The following TMEM164 variants were observed in gnomAD, a reference collection of about 807,000 sequenced individuals.
TMEM164 encodes the protein RP13-360B22.2.
Under a neutral mutation model 18.8 loss-of-function variants are expected in TMEM164, and 4 were observed. The observed-to-expected ratio is 0.21, with a 90% CI of 0.10 to 0.49. The LOEUF (loss-of-function observed/expected upper bound fraction) is 0.49. Ranked by LOEUF, TMEM164 falls within the 20% of genes least tolerant of loss-of-function variation. The pLI, the probability that TMEM164 is intolerant of heterozygous loss-of-function variation, is 0.98. For synonymous variants in TMEM164, 86 were observed against 101.7 expected, an observed-to-expected ratio of 0.85 and a Z score of 0.93; for missense variants, 108 against 239.9, an observed-to-expected ratio of 0.45 and a Z score of 3.63.
chrX:110,017,508 CTCCCTCCTTCCTTCCTTCCTTCCTTCCT>C (rs1933515146), intron 2 of TMEM164, among the ~76,000 whole-genome samples: 5 of 7,368 alleles, frequency 6.8e-4, no homozygotes, highest in Middle Eastern at 0.083. Flanking sequence ...CCCTCCCTCC[CTCCCTCCTTCCTTCCTTCCTTCCTTCCT>C]TCCTTCCTTC....
intron 4 of TMEM164, among the ~76,000 whole-genome samples, chrX:110,110,185 G>C (rs887810718): frequency 9.0e-6 from 1 of 110,875 alleles, no homozygotes; most frequent in Non-Finnish European, 1.9e-5. Flanking sequence ...GCTATGCTTT[G>C]CTCCCTCTCC....
chrX:110,071,864 G>C (rs1470526349), intron 3 of TMEM164, among the ~76,000 whole-genome samples: 1 of 110,381 alleles, frequency 9.1e-6, no homozygotes, highest in Non-Finnish European at 1.9e-5. Flanking sequence ...TTGTGCTGCT[G>C]AACTCCAGCT....
At position 110,175,944 on chromosome X, in the gene TMEM164, C is replaced by T; in HGVS notation, c.*2493C>T. 1.3e-6 allele frequency: 1 copy of T among 756,292 alleles called. No homozygotes were observed. Among genetic ancestry groups the T allele is most frequent in the Non-Finnish European group, 1.6e-6 (1 of 639,610 alleles). The allele number at this position is 756,292 out of a possible 1,213,427, so 62.3% of individuals were successfully genotyped here. A position where few individuals can be genotyped will look rare whatever the true frequency, so the allele number is the denominator to read the frequency against. ...AGCCCTCATATCTGCCCTGTGCCGGCCCTCTACTGCCCCAGCTTTGGTACA... is the reference window on the plus strand; with the variant it reads ...AGCCCTCATATCTGCCCTGTGCCGGTCCTCTACTGCCCCAGCTTTGGTACA... On this transcript the variant is annotated 3_prime_UTR_variant, in exon 7 of 7. Transcript: ENST00000372068.
In TMEM164 at chrX:110,104,417, T is replaced by C. The variant is rs140733080; in HGVS notation, c.441-4663T>C. Among the ~76,000 whole-genome samples the C allele has an allele frequency of 2.2e-3, 250 of 111,937 alleles. 1 individual carries two copies. The highest frequency in any genetic ancestry group is 7.1e-3 in the African/African-American group (219 of 30,809). Reference sequence around the variant, plus strand: ...AGTGATCCTTGTGGTTCTCGCATTTTTCATGGTGTTTAGTGCAATACCATA... The same window carrying C: ...AGTGATCCTTGTGGTTCTCGCATTTCTCATGGTGTTTAGTGCAATACCATA... On this transcript the variant is annotated intron_variant, in intron 3 of 6. Coordinates refer to ENST00000372068, the MANE Select transcript of TMEM164 (RefSeq NM_032227.4).
At chrX:110,008,614 A>G (rs750088490) in intron 2 of TMEM164, among the ~76,000 whole-genome samples, 1 of 111,512 alleles carries the variant, frequency 9.0e-6, no homozygotes, top group East Asian at 2.8e-4. Context: ...TCATTGTTAC[A>G]GTCATTGGGG....
intron 3 of TMEM164, among the ~76,000 whole-genome samples, chrX:110,095,639 T>C (rs1283300743): frequency 8.9e-6 from 1 of 112,259 alleles, no homozygotes; most frequent in Non-Finnish European, 1.9e-5. Context: ...CTCTTTAGCT[T>C]GGAGAAGTTT....
At chrX:110,013,005 G>A (rs979949094) in intron 2 of TMEM164, among the ~76,000 whole-genome samples, 6 of 112,089 alleles carry the variant, frequency 5.4e-5, no homozygotes, top group African/African-American at 1.9e-4. Context: ...CCTGTTTGGC[G>A]AAAACAGTGC....
intron 2 of TMEM164, among the ~76,000 whole-genome samples, chrX:110,037,442 T>C (rs1405980347): frequency 8.9e-6 from 1 of 111,848 alleles, no homozygotes; most frequent in African/African-American, 3.3e-5. Context: ...ACAAACTCCA[T>C]CAAAACCCAG....
chrX:110,033,239 C>G (rs1416352555), intron 2 of TMEM164, among the ~76,000 whole-genome samples: 2 of 111,601 alleles, frequency 1.8e-5, no homozygotes, highest in East Asian at 5.6e-4. Context: ...ATAAGGTGCC[C>G]AAATGAAATT....
intron 5 of TMEM164, among the ~76,000 whole-genome samples, chrX:110,157,148 T>C (rs1005548700): frequency 2.7e-5 from 3 of 111,277 alleles, no homozygotes; most frequent in African/African-American, 9.8e-5. Context: ...AGGGATAAAA[T>C]AGGACTTAGA....
At chrX:110,117,489 T>C (rs1296495030) in intron 4 of TMEM164, among the ~76,000 whole-genome samples, 1 of 112,188 alleles carries the variant, frequency 8.9e-6, no homozygotes, top group Non-Finnish European at 1.9e-5. Context: ...TTCTAACACA[T>C]AGAAATGATA....
intron 4 of TMEM164, among the ~76,000 whole-genome samples, chrX:110,127,310 C>T (rs1329420986): frequency 1.8e-5 from 2 of 110,845 alleles, no homozygotes; most frequent in Admixed American, 9.6e-5. Flanking sequence ...GTTGGCAGTT[C>T]GAGACCAGCC....
At chrX:110,116,849 T>TGTGCGC (rs1569336173) in intron 4 of TMEM164, among the ~76,000 whole-genome samples, 2 of 103,443 alleles carry the variant, frequency 1.9e-5, no homozygotes, top group African/African-American at 3.6e-5. Context: ...TGTGTGTGTG[T>TGTGCGC]GTGCGCGTGT....
chrX:110,097,090 G>A (rs925290341), intron 3 of TMEM164, among the ~76,000 whole-genome samples: 10 of 111,703 alleles, frequency 9.0e-5, no homozygotes, highest in South Asian at 3.7e-4. Context: ...TTCAGCCTCC[G>A]CCTCCTGAGT....
intron 3 of TMEM164, among the ~76,000 whole-genome samples, chrX:110,081,869 G>T (rs938825972): frequency 8.9e-6 from 1 of 112,198 alleles, no homozygotes; most frequent in African/African-American, 3.2e-5. Context: ...GGCATGCCCA[G>T]CCACTATAGG....
chrX:110,179,846 G>A (rs1391621702), downstream of TMEM164, among the ~76,000 whole-genome samples: 2 of 112,188 alleles, frequency 1.8e-5, no homozygotes. Context: ...AAAGTGCTCC[G>A]TGAACAAGGA....
At chrX:110,149,461 A>G (rs187176522) in intron 5 of TMEM164, among the ~76,000 whole-genome samples, 71 of 111,947 alleles carry the variant, frequency 6.3e-4, no homozygotes, top group Admixed American at 6.2e-3. Flanking sequence ...GATGGTATTG[A>G]TCACTCCGTT....
At chrX:110,112,762 A>G (rs924593750) in intron 4 of TMEM164, among the ~76,000 whole-genome samples, 6 of 111,333 alleles carry the variant, frequency 5.4e-5, no homozygotes, top group African/African-American at 2.0e-4. Context: ...TCCTTTCTCT[A>G]CACACACATC....
At chrX:110,053,435 A>T (rs1191982266) in intron 2 of TMEM164, among the ~76,000 whole-genome samples, 1 of 111,994 alleles carries the variant, frequency 8.9e-6, no homozygotes, top group African/African-American at 3.3e-5. Context: ...TATGCCTTAG[A>T]AGCACTGCAA....
Sources: gnomAD v4.1 joint callset for allele counts (sites outside exome capture counted in the v4.1 genomes callset) on GRCh38, gnomAD v4.1.1 for gene constraint, MANE v1.5 for transcripts, NCBI Gene and HGNC (gene_info 2026-07-23, HGNC 2026-07-21) for gene names.